CPAMD8: variants seen among roughly 807,000 people sequenced by gnomAD.
CPAMD8 encodes the protein C3 and PZP like alpha-2-macroglobulin domain containing 8, also known as C3 and PZP-like alpha-2-macroglobulin domain-containing protein 8.
In CPAMD8, 146 loss-of-function variants were observed where a neutral mutation model predicts 224.7. The observed-to-expected ratio is 0.65, with a 90% confidence interval of 0.57 to 0.75. CPAMD8 has a LOEUF of 0.75. Among genes scored for constraint, CPAMD8 ranks in the 30% least tolerant of loss-of-function variants. CPAMD8 has a pLI of 0.00. For missense variants in CPAMD8, 2,301 were observed against 2,537.5 expected (o/e 0.91, Z 2.00); for synonymous variants, 966 against 1,044.6 (o/e 0.92, Z 1.45).
chr19:16,946,531 A>C (rs1224800479), intron 21 of CPAMD8, among the ~76,000 whole-genome samples: 1 of 102,182 alleles, frequency 9.8e-6, no homozygotes, highest in East Asian at 2.9e-4. Context: ...GTGTGTGTGA[A>C]TGCATGTCTA....
At chr19:17,002,018 G>A (rs1359654970) in intron 9 of CPAMD8, among the ~76,000 whole-genome samples, 7 of 151,020 alleles carry the variant, frequency 4.6e-5, no homozygotes, top group Non-Finnish European at 7.4e-5. Context: ...GGAGCCTGGT[G>A]GGGAGGGAGA....
chr19:16,897,889 C>A lies in CPAMD8; in HGVS notation c.4954G>T (p.Ala1652Ser). Residue 1652 changes from alanine (A) to serine (S), a missense_variant and splice_region_variant, in exon 38 of 42, where the codon GCC becomes TCC. Physicochemically the swap from Ala to Ser is moderately conservative, Grantham distance 99 (BLOSUM62 1). Transcript: ENST00000443236. ...PVSVYDYYEPAFEATRFYNVS... is the reference protein window; with the variant it reads ...PVSVYDYYEPSFEATRFYNVS... ...CGGGGGTGCGGGCGCGCGGGCCTAC[C>A]GGGTTCGTAGTAGTCGTACACGGAG... 6.2e-7 allele frequency: 1 copy of A among 1,607,672 alleles called. No homozygotes were observed. The highest frequency in any genetic ancestry group is 8.5e-7 in the Non-Finnish European group (1 of 1,177,790).
At chr19:16,960,986 C>T (rs1261572876) in intron 18 of CPAMD8, among the ~76,000 whole-genome samples, 1 of 151,970 alleles carries the variant, frequency 6.6e-6, no homozygotes, top group Non-Finnish European at 1.5e-5. Context: ...ATATCCTCTT[C>T]TACTGCTTGA....
In CPAMD8 at chr19:16,905,540, CAAAAAAAAAAAAAAAAAAAGGAAGAAAAG is replaced by C. The variant is rs1335293219; in HGVS notation, c.4028-1017_4028-989del. 2.6e-3 allele frequency among the ~76,000 whole-genome samples: 210 copies of C among 80,408 alleles called. 4 individuals carry two copies. Among genetic ancestry groups the C allele is most frequent in the Middle Eastern group, 0.011 (1 of 94 alleles). 52.8% of individuals were successfully genotyped at this position (80,408 alleles called of 152,430 possible). A position where few individuals can be genotyped will look rare whatever the true frequency, so the allele number is the denominator to read the frequency against. On this transcript the variant is annotated intron_variant, in intron 30 of 41. Transcript: ENST00000443236. ...GGGCAACAAGAGCGAAACTCCGTTT[CAAAAAAAAAAAAAAAAAAAGGAAGAAAAG>C]AAAAAAAAAAAAAAAAAGAAAAAGG...
At chr19:16,945,464 A>C (rs552987202) in intron 22 of CPAMD8, 85 bp downstream of exon 22, 1 of 1,544,914 alleles carries the variant, frequency 6.5e-7, no homozygotes, top group Non-Finnish European at 8.8e-7. Context: ...GCTCAGCCTC[A>C]GACCACACAC....
chr19:16,938,439 C>G lies in CPAMD8; in HGVS notation c.2801G>C (p.Gly934Ala). The change falls in exon 23 of 42, where the codon GGA becomes GCA. Residue 934 changes from glycine to alanine, a missense_variant. Transcript: ENST00000443236. ...GCTGTAGGTGTACGCCCGGGGGACTCCTTCCGCCTGAAACAAAGAAACAAG... is the reference window on the plus strand; with the variant it reads ...GCTGTAGGTGTACGCCCGGGGGACTGCTTCCGCCTGAAACAAAGAAACAAG... Reference protein sequence around the residue: ...VRRSVMVEAEGVPRAYTYSAF... With the variant: ...VRRSVMVEAEAVPRAYTYSAF... The G allele has an allele frequency of 1.9e-6, 3 of 1,577,868 alleles. No homozygotes were observed. The highest frequency in any genetic ancestry group is 1.4e-5 in the African/African-American group (1 of 72,252).
intron 3 of CPAMD8, among the ~76,000 whole-genome samples, chr19:17,017,896 G>A (rs1010319789): frequency 1.3e-5 from 2 of 152,056 alleles, no homozygotes; most frequent in African/African-American, 2.4e-5. Context: ...AGCTGGGCAC[G>A]GTGGTGCACA....
chr19:16,927,860 C>G (rs927852588), intron 25 of CPAMD8, 149 bp downstream of exon 25: 1 of 647,654 alleles, frequency 1.5e-6, no homozygotes. Flanking sequence ...AGAGAAGGCA[C>G]TGGAAGCTGC....
chr19:16,938,518 G>T, intron 22 of CPAMD8, 72 bp from the exon 23 acceptor site: 2 of 802,004 alleles, frequency 2.5e-6, no homozygotes, highest in Non-Finnish European at 4.1e-6. Context: ...GGAGCAGCTG[G>T]CTCTCCCACA....
chr19:17,014,691 A>G (rs2056765319), intron 3 of CPAMD8, among the ~76,000 whole-genome samples: 1 of 152,192 alleles, frequency 6.6e-6, no homozygotes, highest in Non-Finnish European at 1.5e-5. Context: ...CTTATTCATT[A>G]CCATGAGAAC....
intron 18 of CPAMD8, among the ~76,000 whole-genome samples, chr19:16,964,078 G>A (rs1303459460): frequency 6.6e-6 from 1 of 152,182 alleles, no homozygotes; most frequent in Non-Finnish European, 1.5e-5. Flanking sequence ...ATGCCCACAA[G>A]AGAAAGCAGG....
At chr19:16,904,873 C>T (rs12984619) in intron 30 of CPAMD8, among the ~76,000 whole-genome samples, 2,329 of 152,348 alleles carry the variant, frequency 0.015, 33 homozygotes, top group Middle Eastern at 0.051. Context: ...AATAGCCTCC[C>T]TCCTGACCAG....
Position 17,002,263 on chromosome 19 carries a change from C to G in CPAMD8, c.758+3G>C. 5.0e-6 allele frequency: 8 copies of G among 1,586,582 alleles called. No homozygotes were observed. The highest frequency in any genetic ancestry group is 6.9e-6 in the Non-Finnish European group (8 of 1,162,948). ...GTGTGCCCCAGGGGTCCCTCTTTCTCACCTGGCCCGCACAGTGCCTGTCTC... is the reference window on the plus strand; with the variant it reads ...GTGTGCCCCAGGGGTCCCTCTTTCTGACCTGGCCCGCACAGTGCCTGTCTC... On this transcript the variant is annotated splice_donor_region_variant and intron_variant, in intron 9 of 41. Coordinates refer to ENST00000443236, the MANE Select transcript of CPAMD8 (RefSeq NM_015692.5).
chr19:16,957,598 T>G, intron 19 of CPAMD8: 1 of 462,640 alleles, frequency 2.2e-6, no homozygotes, highest in South Asian at 3.1e-5. Context: ...ACAGAGCAGA[T>G]AGAGTAACCC....
intron 29 of CPAMD8, among the ~76,000 whole-genome samples, chr19:16,913,326 T>C: frequency 6.6e-6 from 1 of 151,912 alleles, no homozygotes; most frequent in East Asian, 1.9e-4. Flanking sequence ...TTGGGGACCT[T>C]TGAGAGATAA....
At chr19:16,953,077 T>C (rs7258996) in intron 19 of CPAMD8, among the ~76,000 whole-genome samples, 2,444 of 152,190 alleles carry the variant, frequency 0.016, 25 homozygotes, top group Non-Finnish European at 0.02. Flanking sequence ...ACGACACAGA[T>C]AAATGATTTT....
chr19:16,939,973 C>A (rs758872823), intron 22 of CPAMD8, among the ~76,000 whole-genome samples: 3 of 151,672 alleles, frequency 2.0e-5, no homozygotes, highest in Admixed American at 2.0e-4. Context: ...AGTGCAATGG[C>A]GCGATCTCGG....
chr19:16,966,357 A>T (rs1454782432), intron 18 of CPAMD8, among the ~76,000 whole-genome samples: 1 of 152,228 alleles, frequency 6.6e-6, no homozygotes, highest in Non-Finnish European at 1.5e-5. Context: ...TGGATTAAAG[A>T]CTTAAATGTT....
At chr19:17,018,307 T>C (rs887676957) in intron 3 of CPAMD8, among the ~76,000 whole-genome samples, 3 of 152,160 alleles carry the variant, frequency 2.0e-5, no homozygotes, top group African/African-American at 7.2e-5. Flanking sequence ...ACCCATGTCA[T>C]AAAATTATTT....
Sources: gnomAD v4.1 joint callset for allele counts (sites outside exome capture counted in the v4.1 genomes callset) on GRCh38, gnomAD v4.1.1 for gene constraint, MANE v1.5 for transcripts, NCBI Gene and HGNC (gene_info 2026-07-23, HGNC 2026-07-21) for gene names.